WWTR1: variants seen among roughly 807,000 people sequenced by gnomAD.
The protein encoded by WWTR1 is WW domain containing transcription regulator 1.
A neutral mutation model predicts 40.1 loss-of-function variants in WWTR1; 13 were observed. The observed-to-expected ratio is 0.32, with a 90% CI of 0.21 to 0.52. WWTR1 has a LOEUF of 0.52. Among genes scored for constraint, WWTR1 ranks in the 20% least tolerant of loss-of-function variants. The pLI is 0.97. For missense variants in WWTR1, 436 were observed against 523.1 expected (o/e 0.83, Z 1.63); for synonymous variants, 230 against 210.1 (o/e 1.09, Z -0.82).
chr3:149,592,403 T>C (rs1466794880), intron 2 of WWTR1, among the ~76,000 whole-genome samples: 2 of 152,190 alleles, frequency 1.3e-5, no homozygotes, highest in Non-Finnish European at 2.9e-5. Context: ...CTTCTGACAC[T>C]ATGGCAATAT....
chr3:149,630,726 A>G (rs1711522344), intron 2 of WWTR1, among the ~76,000 whole-genome samples: 2 of 152,256 alleles, frequency 1.3e-5, no homozygotes, highest in Admixed American at 6.5e-5. Flanking sequence ...AGAACGGTTA[A>G]TAACTCAGAT....
At chr3:149,586,089 A>G (rs1038337447) in intron 2 of WWTR1, among the ~76,000 whole-genome samples, 3 of 152,226 alleles carry the variant, frequency 2.0e-5, no homozygotes, top group Non-Finnish European at 4.4e-5. Flanking sequence ...AAAAATATGT[A>G]CCTGTTTCAA....
At chr3:149,682,247 C>A (rs1420049739) in intron 1 of WWTR1, among the ~76,000 whole-genome samples, 1 of 152,124 alleles carries the variant, frequency 6.6e-6, no homozygotes, top group African/African-American at 2.4e-5. Context: ...GGCTTTGTAA[C>A]TTTGGCTGCA....
chr3:149,526,146 AAACTTCAAT>A (rs1175757689), intron 5 of WWTR1, 21 bp from the exon 6 acceptor site: 2 of 1,532,342 alleles, frequency 1.3e-6, no homozygotes, highest in Non-Finnish European at 1.8e-6. Context: ...AAAGATGAAG[AAACTTCAAT>A]ATGAGCCCAC....
At chr3:149,530,071 C>T (rs981040810) in intron 4 of WWTR1, among the ~76,000 whole-genome samples, 2 of 151,964 alleles carry the variant, frequency 1.3e-5, no homozygotes, top group African/African-American at 4.8e-5. Flanking sequence ...AAGTTGAGGC[C>T]GGGCGGTGGC....
chr3:149,717,972 A>G (rs979385665), intron 4 of WWTR1, among the ~76,000 whole-genome samples: 3 of 152,320 alleles, frequency 2.0e-5, no homozygotes, highest in Admixed American at 6.5e-5. Context: ...AAAAAAATAG[A>G]AATGATCATA....
intron 2 of WWTR1, among the ~76,000 whole-genome samples, chr3:149,630,500 T>A (rs1278134459): frequency 6.6e-6 from 1 of 152,170 alleles, no homozygotes; most frequent in African/African-American, 2.4e-5. Flanking sequence ...GGACAGATAA[T>A]CAGAATTTCT....
At position 149,637,944 on chromosome 3, in the gene WWTR1, C is replaced by T. The variant is rs142184534; in HGVS notation, c.431+18932G>A. On this transcript the variant is annotated intron_variant, in intron 2 of 6. Coordinates refer to ENST00000360632, the MANE Select transcript of WWTR1 (RefSeq NM_015472.6). ...TGACATATGCAGTGGCAACCAGGCA[C>T]GGTGGCTCACGCCTGTAATCCCAGC... Among the ~76,000 whole-genome samples, 815 of 152,242 alleles carry T rather than the reference C, an allele frequency of 5.4e-3. 2 individuals carry two copies. Among genetic ancestry groups the T allele is most frequent in the Non-Finnish European group, 8.2e-3 (557 of 68,008 alleles).
chr3:149,724,686 A>G (rs961727064), intron 3 of WWTR1: 2 of 152,116 alleles, frequency 1.3e-5, no homozygotes, highest in African/African-American at 4.8e-5. Context: ...AGATTCTCCC[A>G]TTTCCTAGGC....
At chr3:149,657,447 G>A in intron 1 of WWTR1, 138 bp from the exon 2 acceptor site, 1 of 1,017,802 alleles carries the variant, frequency 9.8e-7, no homozygotes, top group African/African-American at 1.6e-5. Context: ...TGCCCGCCTG[G>A]AGATCCCAGA....
upstream of WWTR1, among the ~76,000 whole-genome samples, chr3:149,704,846 G>T (rs1045182073): frequency 7.2e-6 from 1 of 138,906 alleles, no homozygotes; most frequent in Non-Finnish European, 1.6e-5. Flanking sequence ...ACACACAAAA[G>T]TTAAAAAAAA....
At chr3:149,521,679 T>G (rs1173591279) in intron 6 of WWTR1, among the ~76,000 whole-genome samples, 2 of 152,222 alleles carry the variant, frequency 1.3e-5, no homozygotes, top group African/African-American at 4.8e-5. Flanking sequence ...AAACTGAAGT[T>G]CTACAGAACA....
intron 6 of WWTR1, among the ~76,000 whole-genome samples, chr3:149,523,742 G>A (rs1173694329): frequency 3.3e-5 from 5 of 152,190 alleles, no homozygotes. Context: ...GTGGTCCACA[G>A]GCCTGATAGA....
At chr3:149,682,834 T>C (rs1424034345) in intron 1 of WWTR1, among the ~76,000 whole-genome samples, 4 of 152,098 alleles carry the variant, frequency 2.6e-5, no homozygotes, top group Non-Finnish European at 4.4e-5. Context: ...TAAAAGTGGA[T>C]TGAAGTAGAT....
intron 3 of WWTR1, among the ~76,000 whole-genome samples, chr3:149,561,617 T>C (rs1257462590): frequency 6.6e-6 from 1 of 152,228 alleles, no homozygotes; most frequent in African/African-American, 2.4e-5. Flanking sequence ...TGTTTAGTAA[T>C]AGTGACCAAC....
chr3:149,692,596 C>T (rs1323516904), intron 1 of WWTR1, among the ~76,000 whole-genome samples: 1 of 151,720 alleles, frequency 6.6e-6, no homozygotes, highest in African/African-American at 2.4e-5. Flanking sequence ...GGGAATACAA[C>T]AAGGATGCCC....
Position 149,710,863 on chromosome 3 carries a change from G to A in WWTR1, n.584+6579C>T, listed in dbSNP as rs553922793. The stretch of plus-strand genomic sequence containing the variant: ...CAACGTGCTGGGATTACAGGCATGA[G>A]CCACTGCACCTGGCACGTTATCCCC... On this transcript the variant is annotated intron_variant and non_coding_transcript_variant, in intron 5 of 6. Transcript: ENST00000474080. Among the ~76,000 whole-genome samples the A allele has an allele frequency of 4.3e-4, 65 of 152,106 alleles. No individual in the cohort carries two copies. The South Asian group carries it at 0.013, about 30-fold the overall frequency.
In WWTR1 at chr3:149,547,531, A is replaced by AAAAAG. The variant is rs929751362; in HGVS notation, c.569-4999_569-4995dup. On this transcript the variant is annotated intron_variant, in intron 3 of 6. Coordinates refer to ENST00000360632, the MANE Select transcript of WWTR1 (RefSeq NM_015472.6). ...ACAAGAGCGAAACTCCAGCTTAAAAAAAAAGAAAAGAAAAGGCAGAGTATT... is the reference window on the plus strand; with the variant it reads ...ACAAGAGCGAAACTCCAGCTTAAAAAAAAAGAAAAGAAAAGAAAAGGCAGAGTATT... 9.2e-5 allele frequency among the ~76,000 whole-genome samples: 14 copies of AAAAAG among 152,180 alleles called. No homozygotes were observed. The East Asian group carries it at 2.7e-3, about 30-fold the overall frequency.
At chr3:149,593,605 T>C (rs1257350940) in intron 2 of WWTR1, among the ~76,000 whole-genome samples, 1 of 152,202 alleles carries the variant, frequency 6.6e-6, no homozygotes, top group Non-Finnish European at 1.5e-5. Context: ...ATTGACTGCC[T>C]CCTTTGTTAA....
Sources: allele counts gnomAD v4.1 joint callset (sites outside exome capture counted in the v4.1 genomes callset), GRCh38; gene constraint gnomAD v4.1.1; transcripts MANE v1.5; gene names NCBI Gene and HGNC (gene_info 2026-07-23, HGNC 2026-07-21).